Variants in DYNAP observed in about 807,000 individuals in gnomAD.
DYNAP encodes the protein dynactin-associated protein.
DYNAP carries 7 observed loss-of-function variants against 8.5 expected under a neutral mutation model. The ratio of observed to expected loss-of-function variants is 0.82; its 90% CI spans 0.47 to 1.54. The LOEUF is 1.54. DYNAP is among the 40% of genes most tolerant of loss of function. DYNAP has a pLI of 0.01. For missense variants in DYNAP, 256 were observed against 224.3 expected, an observed-to-expected ratio of 1.14 and a Z score of -0.90; for synonymous variants, 77 against 77.9, an observed-to-expected ratio of 0.99 and a Z score of 0.06.
the DYNAP span, among the ~76,000 whole-genome samples, chr18:54,579,044 C>T: frequency 9.9e-5 from 15 of 152,098 alleles, no homozygotes; most frequent in African/African-American, 3.6e-4. Context: ...CATGGTCCGC[C>T]CGCCTCGGCC....
the DYNAP span, among the ~76,000 whole-genome samples, chr18:54,579,711 CTTAT>C: frequency 5.3e-5 from 8 of 152,126 alleles, no homozygotes; most frequent in Admixed American, 5.2e-4. Flanking sequence ...AGATTTCCCC[CTTAT>C]TTGTTTTAGT....
upstream of DYNAP, among the ~76,000 whole-genome samples, chr18:54,587,144 TCA>T (rs776500403): frequency 3.2e-4 from 48 of 152,220 alleles, no homozygotes; most frequent in Non-Finnish European, 6.9e-4. Context: ...TTCTTCTCAT[TCA>T]CAGTTTTAAA....
At chr18:54,579,946 T>G in the DYNAP span, among the ~76,000 whole-genome samples, 1 of 152,240 alleles carries the variant, frequency 6.6e-6, no homozygotes, top group Admixed American at 6.5e-5. Context: ...TTTACTTCCA[T>G]CTGGATATTT....
intron 1 of DYNAP, among the ~76,000 whole-genome samples, chr18:54,592,789 A>G (rs1911132518): frequency 6.6e-6 from 1 of 152,166 alleles, no homozygotes; most frequent in South Asian, 2.1e-4. Context: ...CTTAGGCTGC[A>G]AACTGGGCCT....
At chr18:54,596,855 A>T (rs1220076058) in intron 2 of DYNAP, among the ~76,000 whole-genome samples, 1 of 152,064 alleles carries the variant, frequency 6.6e-6, no homozygotes, top group East Asian at 1.9e-4. Context: ...CCTAGGGCTA[A>T]CTTGATCTTA....
chr18:54,597,123 A>G (rs919577810), intron 2 of DYNAP, among the ~76,000 whole-genome samples: 4 of 152,132 alleles, frequency 2.6e-5, no homozygotes, highest in African/African-American at 9.7e-5. Flanking sequence ...ATTCTATATT[A>G]TACTGCATCC....
At chr18:54,591,095 C>A (rs548898517), upstream of DYNAP, 3 of 1,137,466 alleles carry the variant, frequency 2.6e-6, no homozygotes, top group Non-Finnish European at 3.6e-6. Context: ...GTTAACATTT[C>A]ATTTCCTCCT....
upstream of DYNAP, among the ~76,000 whole-genome samples, chr18:54,590,604 A>T (rs539903131): frequency 6.6e-6 from 1 of 152,286 alleles, no homozygotes; most frequent in Non-Finnish European, 1.5e-5. Context: ...CAGTATTCTC[A>T]CTTGTTGAGT....
intron 1 of DYNAP, among the ~76,000 whole-genome samples, chr18:54,593,288 G>A (rs1195737298): frequency 6.6e-6 from 1 of 152,062 alleles, no homozygotes; most frequent in African/African-American, 2.4e-5. Flanking sequence ...GGAACTCACT[G>A]GTTGGTTGGC....
chr18:54,577,337 A>C, the DYNAP span, among the ~76,000 whole-genome samples: 15 of 152,256 alleles, frequency 9.9e-5, no homozygotes, highest in African/African-American at 3.6e-4. Context: ...CTATAATCTC[A>C]ACAGTTTGAG....
chr18:54,581,019 GT>G, the DYNAP span, among the ~76,000 whole-genome samples: 103 of 152,152 alleles, frequency 6.8e-4, no homozygotes, highest in African/African-American at 2.4e-3. Flanking sequence ...TGTTGTTTTT[GT>G]TTTTATAAAA....
At chr18:54,595,396 C>T (rs557968351) in intron 2 of DYNAP, among the ~76,000 whole-genome samples, 1 of 151,934 alleles carries the variant, frequency 6.6e-6, no homozygotes, top group Non-Finnish European at 1.5e-5. Context: ...GGTGCAAATG[C>T]AAGGTTAGGG....
chr18:54,581,935 T>C, the DYNAP span, among the ~76,000 whole-genome samples: 1 of 152,356 alleles, frequency 6.6e-6, no homozygotes, highest in Admixed American at 6.5e-5. Context: ...ACTGAAATCT[T>C]TTAACTTATA....
upstream of DYNAP, among the ~76,000 whole-genome samples, chr18:54,584,769 AGGAATGTGGCTATTTAGCCATG>A (rs1910819931): frequency 6.6e-6 from 1 of 152,208 alleles, no homozygotes; most frequent in Non-Finnish European, 1.5e-5. Flanking sequence ...ACTGGGCAAT[AGGAATGTGGCTATTTAGCCATG>A]GGAATGTGGC....
chr18:54,583,846 C>T (rs1263967451), upstream of DYNAP, among the ~76,000 whole-genome samples: 1 of 152,092 alleles, frequency 6.6e-6, no homozygotes, highest in East Asian at 1.9e-4. Context: ...TGTAATCCCA[C>T]CTTCTGAGAA....
intron 2 of DYNAP, among the ~76,000 whole-genome samples, chr18:54,597,592 A>G (rs1485831161): frequency 6.6e-6 from 1 of 152,126 alleles, no homozygotes; most frequent in Non-Finnish European, 1.5e-5. Context: ...GGAAAATAGA[A>G]TAAGAGAAGA....
chr18:54,576,841 CA>C, the DYNAP span, among the ~76,000 whole-genome samples: 2 of 139,996 alleles, frequency 1.4e-5, no homozygotes, highest in East Asian at 2.1e-4. Context: ...ACAACAACAC[CA>C]AAAAAACCTA....
Position 54,598,092 on chromosome 18 carries a change from G to C in DYNAP, c.502G>C (p.Ala168Pro), listed in dbSNP as rs1911388964. The change falls in exon 3 of 3, where the codon GCT becomes CCT. Residue 168 changes from alanine (A) to proline (P), a missense_variant. Physicochemically the swap from Ala to Pro is conservative, Grantham distance 27 (BLOSUM62 -1). Transcript: ENST00000648945. The stretch of plus-strand genomic sequence containing the variant: ...TGAATCTACAACTTCAACAGCTACA[G>C]CTGCCACCACTTCCACAGAACCTAT... ...ATESTTSTATAATTSTEPITV... is the reference protein window; with the variant it reads ...ATESTTSTATPATTSTEPITV... 1.2e-6 allele frequency: 2 copies of C among 1,613,064 alleles called. No individual in the cohort carries two copies. The highest frequency in any genetic ancestry group is 2.2e-5 in the South Asian group (2 of 91,020).
chr18:54,594,198 C>T (rs555713550), intron 1 of DYNAP, among the ~76,000 whole-genome samples: 120 of 152,092 alleles, frequency 7.9e-4, no homozygotes, highest in African/African-American at 2.8e-3. Flanking sequence ...AGAGTGGAGA[C>T]CTGTATTGTT....
Sources: allele counts gnomAD v4.1 joint callset (sites outside exome capture counted in the v4.1 genomes callset), GRCh38; gene constraint gnomAD v4.1.1; transcripts MANE v1.5; gene names NCBI Gene and HGNC (gene_info 2026-07-23, HGNC 2026-07-21).